COMT: variants seen among roughly 807,000 people sequenced by gnomAD.
COMT encodes catechol O-methyltransferase.
In COMT, 13 loss-of-function variants were observed where a neutral mutation model predicts 18.9. The observed-to-expected ratio is 0.69, with a 90% confidence interval of 0.45 to 1.09. The LOEUF (loss-of-function observed/expected upper bound fraction) is 1.09. Ranked by LOEUF, COMT falls within the 50% of genes least tolerant of loss-of-function variation. COMT has a pLI of 0.00. For synonymous variants in COMT, 150 were observed against 160.9 expected (o/e 0.93, Z 0.51); for missense variants, 329 against 361.8 (o/e 0.91, Z 0.73).
intron 2 of COMT, 179 bp from the exon 3 acceptor site, chr22:19,962,348 C>A: frequency 9.2e-7 from 1 of 1,088,906 alleles, no homozygotes; most frequent in Non-Finnish European, 1.3e-6. Context: ...CACCAGAGGG[C>A]ACGAGAAGGC....
chr22:19,960,487 ACT>A (rs1942169159), intron 1 of COMT, among the ~76,000 whole-genome samples: 1 of 152,170 alleles, frequency 6.6e-6, no homozygotes, highest in Admixed American at 6.5e-5. Flanking sequence ...GAATAAGGAC[ACT>A]GTCCTTAGGG....
At chr22:19,947,953 A>C (rs1313426918) in intron 1 of COMT, among the ~76,000 whole-genome samples, 1 of 152,232 alleles carries the variant, frequency 6.6e-6, no homozygotes, top group Non-Finnish European at 1.5e-5. Flanking sequence ...CTGTCCGGGC[A>C]TAACAGAAGG....
At position 19,968,382 on chromosome 22, in the gene COMT, C is replaced by T. The variant is rs530394675; in HGVS notation, c.616-154C>T. Among the ~76,000 whole-genome samples the T allele has an allele frequency of 1.7e-3, 263 of 152,312 alleles. 2 individuals carry two copies. The highest frequency in any genetic ancestry group is 2.1e-4 in the Non-Finnish European group (14 of 68,022). On this transcript the variant is annotated intron_variant, in intron 5 of 5. Transcript: ENST00000361682. ...CCAAGTCTTGTACAGTCCTTTCCTGCAGGAGTCACGCTGGGCAGAAAGTGG... is the reference window on the plus strand; with the variant it reads ...CCAAGTCTTGTACAGTCCTTTCCTGTAGGAGTCACGCTGGGCAGAAAGTGG...
intron 1 of COMT, among the ~76,000 whole-genome samples, chr22:19,946,278 GGAGTTC>G (rs1267288872): frequency 6.6e-6 from 1 of 152,102 alleles, no homozygotes; most frequent in Non-Finnish European, 1.5e-5. Context: ...CTTGAAGTCA[GGAGTTC>G]GAGACCAGCT....
chr22:19,963,587 T>C lies in COMT; in HGVS notation c.311T>C (p.Ile104Thr). Reference protein sequence around the residue: ...DKKGKIVDAVIQEHQPSVLLE... With the variant: ...DKKGKIVDAVTQEHQPSVLLE... Reference sequence around the variant, plus strand: ...ACAGGCAAGATCGTGGACGCCGTGATTCAGGAGCACCAGCCCTCCGTGCTG... The same window carrying C: ...ACAGGCAAGATCGTGGACGCCGTGACTCAGGAGCACCAGCCCTCCGTGCTG... The change falls in exon 4 of 6, where the codon ATT becomes ACT. Residue 104 changes from isoleucine to threonine, a missense_variant. Ile to Thr is a moderately conservative substitution (Grantham distance 89). Coordinates refer to ENST00000361682, the MANE Select transcript of COMT (RefSeq NM_000754.4). The C allele has an allele frequency of 6.2e-7, 1 of 1,612,724 alleles. No homozygotes were observed.
At chr22:19,967,264 G>T in intron 5 of COMT, 2 of 1,259,870 alleles carry the variant, frequency 1.6e-6, no homozygotes, top group Non-Finnish European at 2.1e-6. Flanking sequence ...AAGTCCAGGA[G>T]CCCAGGCCCC....
At chr22:19,945,809 G>A (rs919492198) in intron 1 of COMT, among the ~76,000 whole-genome samples, 15 of 152,064 alleles carry the variant, frequency 9.9e-5, no homozygotes, top group Non-Finnish European at 2.1e-4. Flanking sequence ...GGGACTACAG[G>A]TGCCTGCCAC....
chr22:19,962,877 C>T lies in COMT; in HGVS notation c.289+62C>T, dbSNP rs1601527718. The T allele has an allele frequency of 2.6e-6, 4 of 1,547,664 alleles. No homozygotes were observed. The South Asian group carries it at 3.7e-5, about 14-fold the overall frequency. ...AGGGACCCAGGACCAGGCATCAAAG[C>T]CCTTACAGGAGAAGCTGTTATCACC... On this transcript the variant is annotated intron_variant, in intron 3 of 5. Transcript: ENST00000361682.
At chr22:19,952,950 CAAAAAATAAATAAATAAATA>C (rs1941977860) in intron 1 of COMT, among the ~76,000 whole-genome samples, 1 of 137,726 alleles carries the variant, frequency 7.3e-6, no homozygotes, top group Non-Finnish European at 1.5e-5. Context: ...CAGCCCGTCT[CAAAAAATAAATAAATAAATA>C]AATAAATAAA....
At chr22:19,947,819 G>T (rs1032977567) in intron 1 of COMT, among the ~76,000 whole-genome samples, 1 of 152,104 alleles carries the variant, frequency 6.6e-6, no homozygotes. Context: ...TTCCTTTCCC[G>T]GTCTGCTAAG....
intron 1 of COMT, among the ~76,000 whole-genome samples, chr22:19,953,642 G>A (rs920386768): frequency 4.6e-5 from 7 of 152,134 alleles, no homozygotes; most frequent in Non-Finnish European, 1.0e-4. Context: ...CCATTCCCAG[G>A]CAGGGCAGGC....
intron 1 of COMT, among the ~76,000 whole-genome samples, chr22:19,956,973 C>T (rs113208324): frequency 0.1 from 15,170 of 147,738 alleles, 929 homozygotes; most frequent in South Asian, 0.13. Flanking sequence ...TTTTTTGAGA[C>T]GGAGTCTCAC....
At chr22:19,953,671 GGGGCAGAT>G (rs1941997729) in intron 1 of COMT, among the ~76,000 whole-genome samples, 1 of 152,114 alleles carries the variant, frequency 6.6e-6, no homozygotes, top group Non-Finnish European at 1.5e-5. Context: ...TCAGTCCAGC[GGGGCAGAT>G]GGCCAGCCTG....
At chr22:19,959,681 C>T (rs942302769) in intron 1 of COMT, among the ~76,000 whole-genome samples, 3 of 152,236 alleles carry the variant, frequency 2.0e-5, no homozygotes, top group Non-Finnish European at 2.9e-5. Flanking sequence ...CAGCGCTCTT[C>T]TCCTCTGGCG....
chr22:19,966,731 T>C (rs1372091710), intron 5 of COMT, among the ~76,000 whole-genome samples: 1 of 151,890 alleles, frequency 6.6e-6, no homozygotes, highest in Non-Finnish European at 1.5e-5. Flanking sequence ...GTGTGCTTGG[T>C]CTGAGGCTCC....
intron 1 of COMT, among the ~76,000 whole-genome samples, chr22:19,950,170 A>G (rs1226854123): frequency 2.0e-5 from 3 of 149,346 alleles, no homozygotes; most frequent in Non-Finnish European, 1.5e-5. Flanking sequence ...ACAACTCACT[A>G]GTTTATATAA....
intron 5 of COMT, among the ~76,000 whole-genome samples, chr22:19,968,334 G>A (rs933168040): frequency 2.6e-5 from 4 of 152,184 alleles, no homozygotes; most frequent in African/African-American, 9.7e-5. Flanking sequence ...GTCCTCACGG[G>A]GCCCATGTTC....
chr22:19,954,235 T>C (rs1261420566), intron 1 of COMT, among the ~76,000 whole-genome samples: 8 of 85,740 alleles, frequency 9.3e-5, no homozygotes, highest in Admixed American at 1.1e-4. Context: ...AAAAAAAGCC[T>C]TCCCCTGAGC....
At chr22:19,967,857 A>C (rs1942504380) in intron 5 of COMT, among the ~76,000 whole-genome samples, 1 of 152,238 alleles carries the variant, frequency 6.6e-6, no homozygotes, top group African/African-American at 2.4e-5. Flanking sequence ...TAGCATAGAT[A>C]GGCAAGCATC....
Sources: allele counts gnomAD v4.1 joint callset (sites outside exome capture counted in the v4.1 genomes callset), GRCh38; gene constraint gnomAD v4.1.1; transcripts MANE v1.5; gene names NCBI Gene and HGNC (gene_info 2026-07-23, HGNC 2026-07-21).